MEF2C: variants seen among roughly 807,000 people sequenced by gnomAD.
MEF2C encodes myocyte enhancer factor 2C.
MEF2C carries 6 observed loss-of-function variants against 50.5 expected under a neutral mutation model. That is an observed-to-expected ratio of 0.12 (90% CI 0.07 to 0.23). The LOEUF (loss-of-function observed/expected upper bound fraction) is 0.23, where lower values mean the gene tolerates loss of function less well. Ranked by LOEUF, MEF2C falls within the 10% of genes least tolerant of loss-of-function variation. MEF2C has a pLI of 1.00. For synonymous variants in MEF2C, 183 were observed against 228.0 expected, an observed-to-expected ratio of 0.80 and a Z score of 1.78; for missense variants, 276 against 605.0, an observed-to-expected ratio of 0.46 and a Z score of 5.70.
At chr5:88,846,989 G>A (rs1447951738) in intron 1 of MEF2C, among the ~76,000 whole-genome samples, 1 of 152,128 alleles carries the variant, frequency 6.6e-6, no homozygotes, top group Non-Finnish European at 1.5e-5. Flanking sequence ...TTATATTGCT[G>A]CAAAAGCACA....
intron 1 of MEF2C, among the ~76,000 whole-genome samples, chr5:88,881,887 T>G (rs546335200): frequency 2.0e-5 from 3 of 152,190 alleles, no homozygotes; most frequent in Non-Finnish European, 4.4e-5. Context: ...AATTCTCCAC[T>G]GAGGACCGGT....
chr5:88,742,507 T>G, intron 6 of MEF2C: 7 of 979,474 alleles, frequency 7.1e-6, no homozygotes, highest in Non-Finnish European at 8.5e-6. Flanking sequence ...ACTGTAGATA[T>G]AGAAGGATAG....
At chr5:88,824,483 T>TA (rs889739927) in intron 1 of MEF2C, 2 of 403,830 alleles carry the variant, frequency 5.0e-6, no homozygotes, top group African/African-American at 4.4e-5. Flanking sequence ...AATCTTACTT[T>TA]AAAAAAATTA....
chr5:88,835,144 C>A (rs1381714895), intron 1 of MEF2C, among the ~76,000 whole-genome samples: 1 of 152,084 alleles, frequency 6.6e-6, no homozygotes, highest in Non-Finnish European at 1.5e-5. Flanking sequence ...CTATGGATAA[C>A]ACCATGAAGA....
At chr5:88,820,286 T>C (rs1205788384) in intron 2 of MEF2C, among the ~76,000 whole-genome samples, 1 of 152,004 alleles carries the variant, frequency 6.6e-6, no homozygotes, top group African/African-American at 2.4e-5. Flanking sequence ...AAGCTGTCAA[T>C]TTTTATTCTC....
intron 5 of MEF2C, chr5:88,751,397 G>C: frequency 1.0e-6 from 1 of 985,112 alleles, no homozygotes; most frequent in Non-Finnish European, 1.2e-6. Context: ...GTCCTTTGTG[G>C]GATAAGTTAC....
chr5:88,794,303 T>C (rs545844766), intron 3 of MEF2C, among the ~76,000 whole-genome samples: 3 of 152,266 alleles, frequency 2.0e-5, no homozygotes, highest in African/African-American at 7.2e-5. Context: ...CTTTCCAGCA[T>C]CTGTTGTTTC....
intron 1 of MEF2C, chr5:88,825,612 TA>T: frequency 3.0e-6 from 3 of 984,668 alleles, no homozygotes; most frequent in Non-Finnish European, 3.6e-6. Flanking sequence ...CCACAAAGCA[TA>T]ATTGCATCAT....
At chr5:88,780,142 A>T (rs1378861237) in intron 3 of MEF2C, among the ~76,000 whole-genome samples, 1 of 151,742 alleles carries the variant, frequency 6.6e-6, no homozygotes, top group Non-Finnish European at 1.5e-5. Context: ...GTGAGAATCC[A>T]TCTCGAAAAA....
intron 3 of MEF2C, among the ~76,000 whole-genome samples, chr5:88,774,336 CTTT>C (rs34650524): frequency 6.9e-6 from 1 of 144,482 alleles, no homozygotes; most frequent in South Asian, 2.2e-4. Flanking sequence ...GTTTCTACCT[CTTT>C]TTTTTTTTTT....
At chr5:88,735,728 C>T in intron 6 of MEF2C, 3 of 985,348 alleles carry the variant, frequency 3.0e-6, no homozygotes, top group Non-Finnish European at 3.6e-6. Flanking sequence ...AACTTGCAAA[C>T]ACTTGCTGCA....
chr5:88,755,097 T>C (rs1397206799), intron 4 of MEF2C, among the ~76,000 whole-genome samples: 4 of 152,210 alleles, frequency 2.6e-5, no homozygotes, highest in African/African-American at 9.6e-5. Context: ...TCATTTATGA[T>C]GTTGGTTAAA....
At chr5:88,883,240 G>A (rs1833509983), upstream of MEF2C, 1 of 142,090 alleles carries the variant, frequency 7.0e-6, no homozygotes, top group African/African-American at 2.7e-5. Flanking sequence ...CGCGCGCGAG[G>A]GGAGCGCGCG....
At chr5:88,801,149 T>G (rs1798149039) in intron 3 of MEF2C, among the ~76,000 whole-genome samples, 2 of 152,224 alleles carry the variant, frequency 1.3e-5, no homozygotes, top group African/African-American at 4.8e-5. Context: ...ATATTATTTC[T>G]ATCTCTCCCG....
At chr5:88,868,446 T>C (rs1828115760) in intron 1 of MEF2C, among the ~76,000 whole-genome samples, 1 of 152,216 alleles carries the variant, frequency 6.6e-6, no homozygotes, top group Admixed American at 6.5e-5. Flanking sequence ...AGGATAAGTA[T>C]AACTAAGTTT....
At chr5:88,884,905 A>G (rs1337261437), upstream of MEF2C, among the ~76,000 whole-genome samples, 1 of 152,234 alleles carries the variant, frequency 6.6e-6, no homozygotes, top group Non-Finnish European at 1.5e-5. Flanking sequence ...CAAAGATAAA[A>G]TACATCAACT....
At chr5:88,740,834 C>T (rs1223305638) in intron 6 of MEF2C, 2 of 985,206 alleles carry the variant, frequency 2.0e-6, no homozygotes, top group Non-Finnish European at 2.4e-6. Flanking sequence ...TAATTGTTCA[C>T]TTCTTGAGAT....
chr5:88,732,257 GC>G (rs1358110301), intron 6 of MEF2C, among the ~76,000 whole-genome samples: 2 of 152,148 alleles, frequency 1.3e-5, no homozygotes, highest in African/African-American at 4.8e-5. Flanking sequence ...CTTGGCGGAG[GC>G]CTGGCTGGCG....
rs3850650 is a variant in MEF2C at position 88,804,443 on chromosome 5, A to C, written c.258+155T>G. On this transcript the variant is annotated intron_variant, in intron 3 of 10. Coordinates refer to ENST00000504921, the MANE Select transcript of MEF2C (RefSeq NM_002397.5). Reference sequence around the variant, plus strand: ...CTTTTGAAGGGGAGAGAAAAGGTGGAGTAAGAGTTGCGATAGATAATAATC... The same window carrying C: ...CTTTTGAAGGGGAGAGAAAAGGTGGCGTAAGAGTTGCGATAGATAATAATC... 0.024 allele frequency: 15,334 copies of C among 631,036 alleles called. 1,202 individuals are homozygous for C. The highest frequency in any genetic ancestry group is 0.17 in the Admixed American group (6,247 of 35,792). The allele number at this position is 631,036 out of a possible 1,614,324, so 39.1% of individuals were successfully genotyped here. A position where few individuals can be genotyped will look rare whatever the true frequency, so the allele number is the denominator to read the frequency against.
Sources: gnomAD v4.1 joint callset for allele counts (sites outside exome capture counted in the v4.1 genomes callset) on GRCh38, gnomAD v4.1.1 for gene constraint, MANE v1.5 for transcripts, NCBI Gene and HGNC (gene_info 2026-07-23, HGNC 2026-07-21) for gene names.